The following HIPK2 variants were observed in gnomAD, a reference collection of about 807,000 sequenced individuals.
The protein encoded by HIPK2 is homeodomain interacting protein kinase 2.
Under a neutral mutation model 113.7 loss-of-function variants are expected in HIPK2, and 27 were observed. The ratio of observed to expected loss-of-function variants is 0.24; its 90% CI spans 0.17 to 0.33. The LOEUF is 0.33. Ranked by LOEUF, HIPK2 falls within the 10% of genes least tolerant of loss-of-function variation. The probability of loss-of-function intolerance (pLI) is 1.00; values close to 1 mark genes in which losing one functional copy is unlikely to be tolerated. For synonymous variants in HIPK2, 631 were observed against 642.2 expected, an observed-to-expected ratio of 0.98 and a Z score of 0.26; for missense variants, 1,257 against 1,588.0, an observed-to-expected ratio of 0.79 and a Z score of 3.54.
In HIPK2 at chr7:139,572,393, T is replaced by G. The variant is rs958616664; in HGVS notation, c.*534A>C. On this transcript the variant is annotated 3_prime_UTR_variant, in exon 15 of 15. Transcript: ENST00000406875. Reference sequence around the variant, plus strand: ...CGAGTTCTGGAAAAATCCCTAAATCTTATGTTCAATTAATTAAAAATCTAT... The same window carrying G: ...CGAGTTCTGGAAAAATCCCTAAATCGTATGTTCAATTAATTAAAAATCTAT... 2.6e-5 allele frequency: 4 copies of G among 152,344 alleles called. No individual in the cohort carries two copies. The highest frequency in any genetic ancestry group is 9.6e-5 in the African/African-American group (4 of 41,466). The allele number at this position is 152,344 out of a possible 1,614,324, so 9.4% of individuals were successfully genotyped here.
chr7:139,763,481 C>A (rs540827072), intron 1 of HIPK2, among the ~76,000 whole-genome samples: 3 of 132,864 alleles, frequency 2.3e-5, no homozygotes, highest in African/African-American at 9.4e-5. Flanking sequence ...CGCCCCCCCC[C>A]CCACACGCCC....
chr7:139,692,191 T>C (rs1019958521), intron 2 of HIPK2, among the ~76,000 whole-genome samples: 3 of 152,198 alleles, frequency 2.0e-5, no homozygotes, highest in African/African-American at 7.2e-5. Context: ...TGAAACAGTA[T>C]TTTCTTTTTT....
chr7:139,680,626 A>C (rs1802667790), intron 2 of HIPK2, among the ~76,000 whole-genome samples: 1 of 152,236 alleles, frequency 6.6e-6, no homozygotes. Flanking sequence ...CCTCAAATGT[A>C]GCAAATCATT....
At chr7:139,743,421 T>G (rs1191422142) in intron 1 of HIPK2, among the ~76,000 whole-genome samples, 1 of 152,222 alleles carries the variant, frequency 6.6e-6, no homozygotes, top group African/African-American at 2.4e-5. Context: ...AACTGCCAGA[T>G]CACTCTTGGA....
chr7:139,636,204 G>A (rs1800807129), intron 2 of HIPK2, among the ~76,000 whole-genome samples: 1 of 151,874 alleles, frequency 6.6e-6, no homozygotes, highest in Non-Finnish European at 1.5e-5. Context: ...ACTTATTCTT[G>A]GTTTTCATGA....
rs899546633 is a variant in HIPK2 at position 139,567,079 on chromosome 7, T to G, written c.*5848A>C. 1.8e-4 allele frequency: 27 copies of G among 152,376 alleles called. No homozygotes were observed. The highest frequency in any genetic ancestry group is 1.6e-3 in the Admixed American group (25 of 15,310). The allele number at this position is 152,376 out of a possible 1,614,324, so 9.4% of individuals were successfully genotyped here. ...CCAAAAGCCTCCAATAGGTTTTTTT[T>G]GCATTTAAATCCTGTTTCACCGCCT... On this transcript the variant is annotated 3_prime_UTR_variant, in exon 15 of 15. Coordinates refer to ENST00000406875, the MANE Select transcript of HIPK2 (RefSeq NM_022740.5).
intron 2 of HIPK2, among the ~76,000 whole-genome samples, chr7:139,703,701 C>T (rs1397991030): frequency 1.0e-3 from 5 of 4,998 alleles, no homozygotes; most frequent in African/African-American, 2.9e-3. Context: ...CCAACACATA[C>T]ACCCCTCCAC....
In HIPK2 at chr7:139,745,303, A is replaced by G. The variant is rs564881231; in HGVS notation, c.20-28288T>C. The stretch of plus-strand genomic sequence containing the variant: ...GTCCCACCAGGGTGCGACTGTTCCA[A>G]GGATCCCTTGGAGCTTTTGAACTAC... On this transcript the variant is annotated intron_variant, in intron 1 of 14. Transcript: ENST00000406875. 2.6e-5 allele frequency among the ~76,000 whole-genome samples: 4 copies of G among 152,158 alleles called. No homozygotes were observed. In the South Asian group the frequency reaches 6.2e-4, roughly 24 times the overall value.
At chr7:139,693,214 T>G (rs994781912) in intron 2 of HIPK2, among the ~76,000 whole-genome samples, 1 of 152,198 alleles carries the variant, frequency 6.6e-6, no homozygotes, top group Non-Finnish European at 1.5e-5. Context: ...AAATGCCTTG[T>G]GAAGAACAGA....
At chr7:139,629,116 T>C (rs1800528200) in intron 4 of HIPK2, 77 bp from the exon 5 acceptor site, 1 of 1,185,058 alleles carries the variant, frequency 8.4e-7, no homozygotes. Context: ...GGAACTCCTG[T>C]GTCTCACAGA....
intron 1 of HIPK2, among the ~76,000 whole-genome samples, chr7:139,770,663 T>C (rs571161579): frequency 6.6e-6 from 1 of 152,338 alleles, no homozygotes; most frequent in East Asian, 1.9e-4. Flanking sequence ...AAAAATACCC[T>C]TGTCCACTCA....
Position 139,594,824 on chromosome 7 carries a change from C to CT in HIPK2, c.2717+1892dup, listed in dbSNP as rs567190717. ...CTGTGGGACTCAGTAGCCACTGCTA[C>CT]TGTCTGTCTGTGGCTGCCCCTCACC... On this transcript the variant is annotated intron_variant, in intron 12 of 14. Coordinates refer to ENST00000406875, the MANE Select transcript of HIPK2 (RefSeq NM_022740.5). Among the ~76,000 whole-genome samples, 15 of 152,350 alleles carry CT rather than the reference C, an allele frequency of 9.8e-5. No homozygotes were observed. In the East Asian group the frequency reaches 2.9e-3, roughly 29 times the overall value.
At chr7:139,625,732 T>C (rs1046704675) in intron 6 of HIPK2, among the ~76,000 whole-genome samples, 1 of 152,202 alleles carries the variant, frequency 6.6e-6, no homozygotes, top group African/African-American at 2.4e-5. Flanking sequence ...CTTGTCCTCA[T>C]AGCAGCCTGG....
At chr7:139,743,660 C>G (rs1328769601) in intron 1 of HIPK2, among the ~76,000 whole-genome samples, 5 of 151,952 alleles carry the variant, frequency 3.3e-5, no homozygotes, top group African/African-American at 1.2e-4. Context: ...CTAGACCCCA[C>G]CTATCCCCCT....
intron 2 of HIPK2, among the ~76,000 whole-genome samples, chr7:139,645,548 T>G (rs1801181364): frequency 6.6e-6 from 1 of 152,148 alleles, no homozygotes; most frequent in Non-Finnish European, 1.5e-5. Context: ...CGAAACCCAC[T>G]AATACCCTAC....
chr7:139,716,496 C>T lies in HIPK2; in HGVS notation c.539G>A (p.Ser180Asn), dbSNP rs1410172491. The change falls in exon 2 of 15, where the codon AGC becomes AAC. Residue 180 changes from serine (S) to asparagine (N), a missense_variant. Physicochemically the swap from Ser to Asn is conservative, Grantham distance 46. Transcript: ENST00000406875. The surrounding 1 kb of genome is among the most constrained non-coding windows in gnomAD (Gnocchi z 9.3). Reference sequence around the variant, plus strand: ...CTGCACCAGCTGATAGTCGCCCTCGCTGTTGGAGCCGCTGTTTTTGGAGGT... The same window carrying T: ...CTGCACCAGCTGATAGTCGCCCTCGTTGTTGGAGCCGCTGTTTTTGGAGGT... Reference protein sequence around the residue: ...TATSKNSGSNSEGDYQLVQHE... With the variant: ...TATSKNSGSNNEGDYQLVQHE... The T allele has an allele frequency of 6.2e-7, 1 of 1,613,894 alleles. No homozygotes were observed. The highest frequency in any genetic ancestry group is 8.5e-7 in the Non-Finnish European group (1 of 1,179,898).
intron 1 of HIPK2, among the ~76,000 whole-genome samples, chr7:139,752,724 GAA>G (rs768536532): frequency 0.15 from 16,121 of 104,514 alleles, 1,028 homozygotes; most frequent in Non-Finnish European, 0.2. Context: ...TTTCACAGCT[GAA>G]AAAAAAAAAA....
chr7:139,647,335 T>C (rs568298507), intron 2 of HIPK2, among the ~76,000 whole-genome samples: 23 of 152,250 alleles, frequency 1.5e-4, no homozygotes, highest in African/African-American at 5.3e-4. Flanking sequence ...TTATCTTCTT[T>C]CCTACCGCCA....
Position 139,705,827 on chromosome 7 carries a change from A to T in HIPK2, c.1103+10105T>A, listed in dbSNP as rs894116542. On this transcript the variant is annotated intron_variant, in intron 2 of 14. Coordinates refer to ENST00000406875, the MANE Select transcript of HIPK2 (RefSeq NM_022740.5). ...TAATAACAAGGATGAAAAGATTAGT[A>T]AAAAAAAAAAAAAAAAAGAGCAGCT... 3.9e-3 allele frequency among the ~76,000 whole-genome samples: 533 copies of T among 135,702 alleles called. 6 individuals are homozygous for T. Among genetic ancestry groups the T allele is most frequent in the African/African-American group, 0.014 (509 of 35,858 alleles). 89.0% of individuals were successfully genotyped at this position (135,702 alleles called of 152,430 possible). A position where few individuals can be genotyped will look rare whatever the true frequency, so the allele number is the denominator to read the frequency against.
Sources: allele counts gnomAD v4.1 joint callset (sites outside exome capture counted in the v4.1 genomes callset), GRCh38; gene constraint gnomAD v4.1.1; non-coding constraint Gnocchi (gnomAD v3.1); transcripts MANE v1.5; gene names NCBI Gene and HGNC (gene_info 2026-07-23, HGNC 2026-07-21).